TPTE2: variants seen among roughly 807,000 people sequenced by gnomAD.
TPTE2 encodes the protein phosphatidylinositol 3,4,5-trisphosphate 3-phosphatase TPTE2.
A neutral mutation model predicts 78.6 loss-of-function variants in TPTE2; 53 were observed. The ratio of observed to expected loss-of-function variants is 0.67; its 90% confidence interval spans 0.54 to 0.85. The LOEUF (loss-of-function observed/expected upper bound fraction) is 0.85. Among genes scored for constraint, TPTE2 ranks in the 40% least tolerant of loss-of-function variants. The pLI, the probability that TPTE2 is intolerant of heterozygous loss-of-function variation, is 0.00. For missense variants in TPTE2, 461 were observed against 623.0 expected (o/e 0.74, Z 2.77); for synonymous variants, 175 against 206.2 (o/e 0.85, Z 1.30).
chr13:19,481,305 C>T (rs1054814636), intron 4 of TPTE2, among the ~76,000 whole-genome samples: 4 of 152,074 alleles, frequency 2.6e-5, no homozygotes, highest in Admixed American at 6.5e-5. Flanking sequence ...ATGTTATTTT[C>T]GTTTTATTAC....
intron 3 of TPTE2, 110 bp from the exon 7 acceptor site, chr13:19,482,657 A>C (rs567478129): frequency 7.2e-7 from 1 of 1,387,110 alleles, no homozygotes; most frequent in Admixed American, 2.3e-5. Context: ...TAAAGGATAT[A>C]GTAAACATGA....
chr13:19,485,199 C>A (rs1204400973), intron 3 of TPTE2, among the ~76,000 whole-genome samples: 1 of 152,040 alleles, frequency 6.6e-6, no homozygotes, highest in Non-Finnish European at 1.5e-5. Flanking sequence ...CTTTTTACTT[C>A]CAGATGTAAG....
intron 19 of TPTE2, among the ~76,000 whole-genome samples, chr13:19,423,466 T>A (rs149464643): frequency 5.3e-5 from 8 of 152,370 alleles, no homozygotes; most frequent in African/African-American, 1.7e-4. Context: ...TCAGTCAGGA[T>A]AGACATGAAT....
intron 7 of TPTE2, among the ~76,000 whole-genome samples, chr13:19,466,476 T>C (rs1879275291): frequency 6.6e-6 from 1 of 152,190 alleles, no homozygotes; most frequent in Non-Finnish European, 1.5e-5. Flanking sequence ...GAAGCCACCA[T>C]CTACATCCCA....
At chr13:19,530,651 C>T (rs1870812080) in intron 1 of TPTE2, among the ~76,000 whole-genome samples, 1 of 152,038 alleles carries the variant, frequency 6.6e-6, no homozygotes, top group African/African-American at 2.4e-5. Context: ...CTCAAGTGAT[C>T]TTCCCACCTC....
intron 1 of TPTE2, among the ~76,000 whole-genome samples, chr13:19,524,216 A>G (rs1000232115): frequency 6.6e-6 from 1 of 152,220 alleles, no homozygotes; most frequent in African/African-American, 2.4e-5. Context: ...TAGAAAAGAC[A>G]AAGTTGGAAG....
At chr13:19,546,896 G>GA in the TPTE2 span, among the ~76,000 whole-genome samples, 1 of 148,730 alleles carries the variant, frequency 6.7e-6, no homozygotes, top group African/African-American at 2.5e-5. Context: ...AACAATAGGA[G>GA]AAAAAGAAAA....
chr13:19,499,762 A>AT lies in TPTE2; in HGVS notation c.11+3461dup, dbSNP rs1330194794. On this transcript the variant is annotated intron_variant, in intron 1 of 19. Coordinates refer to ENST00000400230, the Ensembl canonical transcript of TPTE2. ...GAACTAGAAAAGCAAGAGCAAACACATTCAAAAGCTAGCAGAAGGCAAGAA... is the reference window on the plus strand; with the variant it reads ...GAACTAGAAAAGCAAGAGCAAACACATTTCAAAAGCTAGCAGAAGGCAAGAA... Among the ~76,000 whole-genome samples, 123 of 145,184 alleles carry AT rather than the reference A, an allele frequency of 8.5e-4. 1 individual carries two copies. The highest frequency in any genetic ancestry group is 2.9e-4 in the Non-Finnish European group (19 of 66,108).
chr13:19,505,581 C>T (rs1240295296), upstream of TPTE2, among the ~76,000 whole-genome samples: 7 of 152,050 alleles, frequency 4.6e-5, no homozygotes, highest in Admixed American at 4.6e-4. Flanking sequence ...AAGATATGAC[C>T]ATGTAGCTGT....
At chr13:19,559,182 T>A in the TPTE2 span, among the ~76,000 whole-genome samples, 1 of 152,242 alleles carries the variant, frequency 6.6e-6, no homozygotes, top group Non-Finnish European at 1.5e-5. Context: ...CTGGCATTAC[T>A]TGAAAAAATA....
rs781410895 is a variant in TPTE2, at chr13:19,436,216, G to A, written c.1116+10C>T. 20 of 1,603,612 alleles carry A rather than the reference G, an allele frequency of 1.2e-5. No homozygotes were observed. The African/African-American group carries it at 2.4e-4, about 19-fold the overall frequency. ...CTAAAAAAACTCCCATTTTTAAAAAGAAAACTTACCTGAGAAGGAGTTTCT... is the reference window on the plus strand; with the variant it reads ...CTAAAAAAACTCCCATTTTTAAAAAAAAAACTTACCTGAGAAGGAGTTTCT... On this transcript the variant is annotated intron_variant, in intron 15 of 19. Transcript: ENST00000400230.
At chr13:19,547,720 C>CACATATATATATATATATATATAT in the TPTE2 span, among the ~76,000 whole-genome samples, 2 of 118,848 alleles carry the variant, frequency 1.7e-5, no homozygotes, top group Non-Finnish European at 3.6e-5. Context: ...AATAAATATA[C>CACATATATATATATATATATATAT]ATATATATAT....
chr13:19,460,400 C>G (rs1044509774), intron 10 of TPTE2, among the ~76,000 whole-genome samples: 9 of 152,208 alleles, frequency 5.9e-5, no homozygotes, highest in African/African-American at 2.2e-4. Context: ...CCAGTCAGTC[C>G]CAATGTGACA....
intron 13 of TPTE2, among the ~76,000 whole-genome samples, chr13:19,448,525 A>G (rs1593360999): frequency 1.3e-5 from 2 of 152,226 alleles, no homozygotes; most frequent in African/African-American, 4.8e-5. Flanking sequence ...ACCTGAAAAG[A>G]TATTTCCCAA....
intron 15 of TPTE2, among the ~76,000 whole-genome samples, chr13:19,435,767 C>CACAT (rs1469200750): frequency 6.7e-6 from 1 of 149,076 alleles, no homozygotes; most frequent in Non-Finnish European, 1.5e-5. Flanking sequence ...CACACACACA[C>CACAT]ACACACACAC....
chr13:19,474,078 A>T lies in TPTE2; in HGVS notation c.231-3T>A. The T allele has an allele frequency of 7.1e-7, 1 of 1,398,792 alleles. No homozygotes were observed. 86.6% of individuals were successfully genotyped at this position (1,398,792 alleles called of 1,614,324 possible). ...AGACCAGGAAAACTCCAAATATTCT[A>T]AAATAAATAAATAAATAAATAAATA... On this transcript the variant is annotated splice_polypyrimidine_tract_variant and splice_region_variant and intron_variant, in intron 5 of 19. Coordinates refer to ENST00000400230, the Ensembl canonical transcript of TPTE2.
intron 10 of TPTE2, among the ~76,000 whole-genome samples, chr13:19,453,429 T>G (rs1878322729): frequency 6.6e-6 from 1 of 151,848 alleles, no homozygotes; most frequent in South Asian, 2.1e-4. Flanking sequence ...ATTTGCTTTT[T>G]CATGGGGAAA....
chr13:19,538,485 G>A (rs1373899971), upstream of TPTE2, among the ~76,000 whole-genome samples: 1 of 151,866 alleles, frequency 6.6e-6, no homozygotes, highest in African/African-American at 2.4e-5. Context: ...CTCCCAAAGT[G>A]CTGAGATTAC....
At chr13:19,503,072 G>T in intron 1 of TPTE2, 152 bp downstream of exon 4, 1 of 1,067,466 alleles carries the variant, frequency 9.4e-7, no homozygotes, top group Non-Finnish European at 1.4e-6. Flanking sequence ...TTTCCACTGT[G>T]TGCATGGGTT....
Sources: allele counts gnomAD v4.1 joint callset (sites outside exome capture counted in the v4.1 genomes callset), GRCh38; gene constraint gnomAD v4.1.1; transcripts MANE v1.5; gene names NCBI Gene and HGNC (gene_info 2026-07-23, HGNC 2026-07-21).